The following EYA2 variants were observed in gnomAD, a reference collection of about 807,000 sequenced individuals.
EYA2 encodes EYA transcriptional coactivator and phosphatase 2.
In EYA2, 31 loss-of-function variants were observed where a neutral mutation model predicts 69.2. That is an observed-to-expected ratio of 0.45 (90% confidence interval 0.34 to 0.60). The LOEUF (loss-of-function observed/expected upper bound fraction) is 0.60. EYA2 is among the 20% of genes least tolerant of loss of function. The pLI is 0.02. For missense variants in EYA2, 622 were observed against 701.2 expected, an observed-to-expected ratio of 0.89 and a Z score of 1.28; for synonymous variants, 257 against 279.4, an observed-to-expected ratio of 0.92 and a Z score of 0.80.
At chr20:47,001,120 C>G (rs187519348) in intron 2 of EYA2, among the ~76,000 whole-genome samples, 1 of 152,210 alleles carries the variant, frequency 6.6e-6, no homozygotes, top group African/African-American at 2.4e-5. Flanking sequence ...TCTCTTTGGC[C>G]TCAGTTTCTC....
intron 5 of EYA2, among the ~76,000 whole-genome samples, chr20:47,028,945 C>A (rs796543825): frequency 1.8e-4 from 24 of 135,560 alleles, no homozygotes; most frequent in African/African-American, 8.2e-4. Context: ...TAAAAAAAAA[C>A]AAATGCCAGA....
At chr20:47,106,414 G>C (rs1162459020) in intron 9 of EYA2, among the ~76,000 whole-genome samples, 1 of 152,130 alleles carries the variant, frequency 6.6e-6, no homozygotes. Flanking sequence ...ATAGAATTTT[G>C]GTTTTCTGTA....
chr20:47,125,224 T>G (rs2033156648), intron 9 of EYA2, among the ~76,000 whole-genome samples: 1 of 151,922 alleles, frequency 6.6e-6, no homozygotes, highest in Non-Finnish European at 1.5e-5. Flanking sequence ...CGGCTAATTT[T>G]TTTTGTATTT....
chr20:47,169,621 C>T (rs139952539), intron 11 of EYA2, among the ~76,000 whole-genome samples: 1 of 152,190 alleles, frequency 6.6e-6, no homozygotes, highest in African/African-American at 2.4e-5. Flanking sequence ...TGAAGTAATG[C>T]ATGCATAACA....
intron 10 of EYA2, among the ~76,000 whole-genome samples, chr20:47,144,902 C>T (rs1419495217): frequency 6.6e-6 from 1 of 152,168 alleles, no homozygotes; most frequent in African/African-American, 2.4e-5. Context: ...AAACTGTGGC[C>T]GTTGAATTCA....
chr20:47,090,076 G>A lies in EYA2; in HGVS notation c.804+695G>A, dbSNP rs532637893. ...TGGACTGCACACGACAATCACATGA[G>A]GACTTTGAGAAACCTTCATTATCAA... is the stretch of plus-strand genomic sequence containing the variant. On this transcript the variant is annotated intron_variant, in intron 8 of 15. Coordinates refer to ENST00000327619, the MANE Select transcript of EYA2 (RefSeq NM_005244.5). Among the ~76,000 whole-genome samples, 6 of 152,090 alleles carry A rather than the reference G, an allele frequency of 3.9e-5. No homozygotes were observed. The South Asian group carries it at 1.0e-3, about 26-fold the overall frequency.
At chr20:47,045,066 AC>A (rs992781913) in intron 5 of EYA2, among the ~76,000 whole-genome samples, 1 of 152,072 alleles carries the variant, frequency 6.6e-6, no homozygotes, top group Non-Finnish European at 1.5e-5. Context: ...GTAACAAAAC[AC>A]CCCAAAATGC....
At chr20:47,106,918 A>T (rs970399214) in intron 9 of EYA2, among the ~76,000 whole-genome samples, 6 of 152,110 alleles carry the variant, frequency 3.9e-5, no homozygotes, top group Non-Finnish European at 8.8e-5. Context: ...TTGTTGGCGG[A>T]TACATCAGAT....
intron 10 of EYA2, among the ~76,000 whole-genome samples, chr20:47,162,814 T>C (rs561945140): frequency 6.6e-6 from 1 of 151,808 alleles, no homozygotes; most frequent in East Asian, 2.0e-4. Context: ...CCACCACACC[T>C]GGCCCTCATT....
chr20:47,184,610 A>AGG lies in EYA2; in HGVS notation c.1536+1219_1536+1220insGG, dbSNP rs58104565. ...TTTTTGTATTTTTTTTTTTATAGAG[A>AGG]TGGGGTTTTGCCATGTTGCCTGGGC... On this transcript the variant is annotated intron_variant, in intron 15 of 15. Coordinates refer to ENST00000327619, the MANE Select transcript of EYA2 (RefSeq NM_005244.5). 1.8e-4 allele frequency among the ~76,000 whole-genome samples: 27 copies of AGG among 147,526 alleles called. 1 individual carries two copies. The highest frequency in any genetic ancestry group is 1.8e-3 in the East Asian group (9 of 4,986).
chr20:47,078,883 A>C (rs6012109), intron 7 of EYA2, among the ~76,000 whole-genome samples: 5,077 of 152,340 alleles, frequency 0.033, 294 homozygotes, highest in African/African-American at 0.12. Context: ...AAAATTTAAA[A>C]TGCATAGACC....
At chr20:46,896,791 T>C (rs1457379756) in intron 1 of EYA2, among the ~76,000 whole-genome samples, 1 of 152,220 alleles carries the variant, frequency 6.6e-6, no homozygotes, top group Non-Finnish European at 1.5e-5. Context: ...TAAAGCAGTT[T>C]ATATGTCCCC....
At chr20:47,131,401 A>G (rs759285951) in intron 9 of EYA2, among the ~76,000 whole-genome samples, 12 of 152,226 alleles carry the variant, frequency 7.9e-5, no homozygotes, top group Admixed American at 2.6e-4. Context: ...GCCCTAAAAC[A>G]GATTCATGGA....
intron 2 of EYA2, among the ~76,000 whole-genome samples, chr20:46,994,691 T>C (rs1056493303): frequency 3.3e-5 from 5 of 152,138 alleles, no homozygotes; most frequent in Non-Finnish European, 7.3e-5. Context: ...CTTCTCACCT[T>C]TAAGGCTTTT....
At chr20:47,083,440 T>A (rs1258432031) in intron 7 of EYA2, among the ~76,000 whole-genome samples, 1 of 151,844 alleles carries the variant, frequency 6.6e-6, no homozygotes, top group Non-Finnish European at 1.5e-5. Context: ...TAGCCAGGCT[T>A]GGTGGCGCAC....
At chr20:47,139,539 T>TCTC (rs3092499) in intron 9 of EYA2, among the ~76,000 whole-genome samples, 5,810 of 152,246 alleles carry the variant, frequency 0.038, 299 homozygotes, top group East Asian at 0.16. Flanking sequence ...TTCAAGCAAT[T>TCTC]CTGCCTCAGC....
At chr20:47,040,174 C>A in intron 5 of EYA2, among the ~76,000 whole-genome samples, 1 of 152,134 alleles carries the variant, frequency 6.6e-6, no homozygotes, top group Admixed American at 6.5e-5. Context: ...AATGTTTAGC[C>A]ATGCTTGGTG....
intron 5 of EYA2, among the ~76,000 whole-genome samples, chr20:47,040,349 A>G (rs1984987886): frequency 6.6e-6 from 1 of 152,212 alleles, no homozygotes; most frequent in South Asian, 2.1e-4. Flanking sequence ...TCTTTGAAGA[A>G]TGGTATGTTC....
chr20:47,063,059 G>A (rs1349528712), intron 5 of EYA2, among the ~76,000 whole-genome samples: 1 of 152,088 alleles, frequency 6.6e-6, no homozygotes, highest in East Asian at 1.9e-4. Context: ...TTAAATTAAG[G>A]TAAAATTCCC....
Sources: allele counts gnomAD v4.1 joint callset (sites outside exome capture counted in the v4.1 genomes callset), GRCh38; gene constraint gnomAD v4.1.1; transcripts MANE v1.5; gene names NCBI Gene and HGNC (gene_info 2026-07-23, HGNC 2026-07-21).